VIT: variants seen among roughly 807,000 people sequenced by gnomAD.
The protein encoded by VIT is vitrin.
Under a neutral mutation model 78.0 loss-of-function variants are expected in VIT, and 99 were observed. That is an observed-to-expected ratio of 1.27 (90% CI 1.08 to 1.50). The LOEUF is 1.50. Among genes scored for constraint, VIT ranks in the 40% most tolerant of loss-of-function variants. The pLI, the probability that VIT is intolerant of heterozygous loss-of-function variation, is 0.00. For missense variants in VIT, 1,126 were observed against 875.3 expected (o/e 1.29, Z -3.61); for synonymous variants, 374 against 334.3 (o/e 1.12, Z -1.29).
intron 2 of VIT, among the ~76,000 whole-genome samples, chr2:36,718,244 G>A (rs926868623): frequency 6.6e-6 from 1 of 152,122 alleles, no homozygotes. Context: ...ATAATATAAT[G>A]AGAGTGCTTA....
intron 9 of VIT, among the ~76,000 whole-genome samples, chr2:36,778,787 G>C (rs185838386): frequency 1.7e-3 from 264 of 152,304 alleles, no homozygotes; most frequent in African/African-American, 6.2e-3. Flanking sequence ...GGAAAGTGCA[G>C]CCCTTGGGAC....
At chr2:36,774,941 A>G in intron 8 of VIT, 61 bp from the exon 9 acceptor site, 1 of 1,594,926 alleles carries the variant, frequency 6.3e-7, no homozygotes, top group Non-Finnish European at 8.5e-7. Flanking sequence ...GGGGCAAAAT[A>G]AGGAAAGAAA....
At chr2:36,720,619 C>T (rs192708044) in intron 2 of VIT, among the ~76,000 whole-genome samples, 2 of 152,278 alleles carry the variant, frequency 1.3e-5, no homozygotes, top group African/African-American at 2.4e-5. Context: ...CATACTGTAT[C>T]GAATCTACAA....
intron 3 of VIT, among the ~76,000 whole-genome samples, chr2:36,732,467 T>C (rs1369542517): frequency 1.3e-5 from 2 of 152,254 alleles, no homozygotes; most frequent in South Asian, 2.1e-4. Context: ...CTCGGAGATA[T>C]CTGATTCTTG....
intron 4 of VIT, among the ~76,000 whole-genome samples, chr2:36,750,430 C>T (rs946657811): frequency 6.6e-6 from 1 of 152,180 alleles, no homozygotes. Context: ...TTCGTTCTTG[C>T]TTCCTCTGGC....
chr2:36,786,643 T>G (rs79195569), intron 11 of VIT, among the ~76,000 whole-genome samples: 6,949 of 152,306 alleles, frequency 0.046, 214 homozygotes, highest in South Asian at 0.091. Context: ...AAGATTGATA[T>G]CAATTTCTTA....
At chr2:36,734,813 T>C (rs528795536) in intron 3 of VIT, among the ~76,000 whole-genome samples, 21 of 152,286 alleles carry the variant, frequency 1.4e-4, no homozygotes, top group African/African-American at 4.8e-4. Flanking sequence ...CCCCCATGGA[T>C]GTTACTTAGC....
intron 4 of VIT, among the ~76,000 whole-genome samples, chr2:36,754,501 A>G (rs1226187174): frequency 6.6e-6 from 1 of 151,846 alleles, no homozygotes; most frequent in East Asian, 1.9e-4. Flanking sequence ...CCCTGACCCA[A>G]AAAAAAAGGA....
intron 7 of VIT, among the ~76,000 whole-genome samples, chr2:36,771,768 T>C (rs1443450724): frequency 6.6e-6 from 1 of 152,116 alleles, no homozygotes; most frequent in Non-Finnish European, 1.5e-5. Flanking sequence ...TTAAAGGAGA[T>C]AATTTACTTA....
chr2:36,739,014 A>C (rs1667673615), intron 3 of VIT, among the ~76,000 whole-genome samples: 1 of 152,342 alleles, frequency 6.6e-6, no homozygotes, highest in Non-Finnish European at 1.5e-5. Flanking sequence ...ATTCATCTTC[A>C]AATTAATGAT....
At chr2:36,713,349 C>T (rs1220033120) in intron 1 of VIT, among the ~76,000 whole-genome samples, 2 of 152,102 alleles carry the variant, frequency 1.3e-5, no homozygotes, top group East Asian at 1.9e-4. Context: ...GCCAAGAGGC[C>T]GGTGTGGCTA....
chr2:36,707,059 C>G (rs906557805), intron 1 of VIT, among the ~76,000 whole-genome samples: 2 of 152,148 alleles, frequency 1.3e-5, no homozygotes, highest in Admixed American at 6.5e-5. Context: ...AGAAAACTCT[C>G]TGCAGACTCT....
At chr2:36,707,821 T>G (rs1366566259) in intron 1 of VIT, among the ~76,000 whole-genome samples, 1 of 150,730 alleles carries the variant, frequency 6.6e-6, no homozygotes, top group Admixed American at 6.6e-5. Context: ...CTGCCTTCCT[T>G]ACCTACTTGG....
intron 3 of VIT, 94 bp downstream of exon 3, chr2:36,729,585 G>C: frequency 7.9e-7 from 1 of 1,268,032 alleles, no homozygotes; most frequent in Non-Finnish European, 1.1e-6. Flanking sequence ...GTTTTGGTTT[G>C]GTTTTTATCT....
intron 1 of VIT, among the ~76,000 whole-genome samples, chr2:36,708,615 G>A (rs1209839591): frequency 1.3e-5 from 2 of 152,174 alleles, no homozygotes; most frequent in Non-Finnish European, 2.9e-5. Flanking sequence ...CTCTCTGACA[G>A]TCTGATTCCT....
intron 12 of VIT, among the ~76,000 whole-genome samples, chr2:36,795,556 G>A (rs1665833966): frequency 6.6e-6 from 1 of 151,934 alleles, no homozygotes; most frequent in Admixed American, 6.6e-5. Context: ...GGGATTACAG[G>A]CACATGCCAC....
At chr2:36,771,552 A>G (rs1424009520) in intron 7 of VIT, among the ~76,000 whole-genome samples, 1 of 139,408 alleles carries the variant, frequency 7.2e-6, no homozygotes, top group Non-Finnish European at 1.7e-5. Flanking sequence ...AAGAAAAAGA[A>G]AAAAAAAAAA....
At chr2:36,752,598 T>G (rs1668529863) in intron 4 of VIT, among the ~76,000 whole-genome samples, 1 of 152,186 alleles carries the variant, frequency 6.6e-6, no homozygotes, top group Non-Finnish European at 1.5e-5. Context: ...TTCTCCAAAT[T>G]ACCATGGCTC....
chr2:36,762,727 C>T (rs1399489085), intron 6 of VIT, among the ~76,000 whole-genome samples: 1 of 152,106 alleles, frequency 6.6e-6, no homozygotes, highest in Non-Finnish European at 1.5e-5. Flanking sequence ...AAATGTGTCC[C>T]GTCTCTCTGA....
Sources: gnomAD v4.1 joint callset for allele counts (sites outside exome capture counted in the v4.1 genomes callset) on GRCh38, gnomAD v4.1.1 for gene constraint, MANE v1.5 for transcripts, NCBI Gene and HGNC (gene_info 2026-07-23, HGNC 2026-07-21) for gene names.